SPOCK1: variants seen among roughly 807,000 people sequenced by gnomAD.
The protein encoded by SPOCK1 is testican-1.
In SPOCK1, 23 loss-of-function variants were observed where a neutral mutation model predicts 55.3. The ratio of observed to expected loss-of-function variants is 0.42; its 90% CI spans 0.30 to 0.59. The LOEUF (loss-of-function observed/expected upper bound fraction) is 0.59, where lower values mean the gene tolerates loss of function less well. SPOCK1 is among the 20% of genes least tolerant of loss of function. The pLI is 0.22. For missense variants in SPOCK1, 499 were observed against 552.5 expected, an observed-to-expected ratio of 0.90 and a Z score of 0.97; for synonymous variants, 226 against 221.0, an observed-to-expected ratio of 1.02 and a Z score of -0.20.
At chr5:137,406,811 T>C (rs1004490979) in intron 2 of SPOCK1, among the ~76,000 whole-genome samples, 3 of 152,196 alleles carry the variant, frequency 2.0e-5, no homozygotes, top group African/African-American at 7.2e-5. Context: ...TTCACACCTG[T>C]AAAATGGAAA....
chr5:137,024,325 T>C (rs372224569), intron 6 of SPOCK1, among the ~76,000 whole-genome samples: 1 of 105,026 alleles, frequency 9.5e-6, no homozygotes, highest in African/African-American at 3.5e-5. Flanking sequence ...GGGGGGGGGG[T>C]AGTTACAACT....
chr5:137,144,837 C>A (rs1754163178), intron 3 of SPOCK1, among the ~76,000 whole-genome samples: 1 of 152,164 alleles, frequency 6.6e-6, no homozygotes, highest in South Asian at 2.1e-4. Context: ...AGCGTGACAG[C>A]CCTGAGCAGA....
At chr5:137,322,743 A>C (rs1758002746) in intron 2 of SPOCK1, among the ~76,000 whole-genome samples, 1 of 152,240 alleles carries the variant, frequency 6.6e-6, no homozygotes, top group Non-Finnish European at 1.5e-5. Flanking sequence ...AAAAGGAACA[A>C]AAACACTAAG....
chr5:137,178,481 T>C (rs573023813), intron 3 of SPOCK1, among the ~76,000 whole-genome samples: 2 of 152,300 alleles, frequency 1.3e-5, no homozygotes, highest in East Asian at 1.9e-4. Context: ...GGAAGCATCT[T>C]TATCCACACC....
chr5:137,084,954 CA>C (rs10568473), intron 5 of SPOCK1, among the ~76,000 whole-genome samples: 7,439 of 114,096 alleles, frequency 0.065, 281 homozygotes, highest in East Asian at 0.25. Context: ...TTATACAAAG[CA>C]AAAAAAAAAA....
At position 137,295,208 on chromosome 5, in the gene SPOCK1, C is replaced by T. The variant is rs969608077; in HGVS notation, c.187-28153G>A. 1.3e-4 allele frequency among the ~76,000 whole-genome samples: 20 copies of T among 152,286 alleles called. 2 individuals carry two copies. The highest frequency in any genetic ancestry group is 1.1e-3 in the Admixed American group (17 of 15,300). On this transcript the variant is annotated intron_variant, in intron 2 of 10. Coordinates refer to ENST00000394945, the MANE Select transcript of SPOCK1 (RefSeq NM_004598.4). ...GGCTGCAATACAGCTGTTTTTTGTT[C>T]TTTATGCTTTTCTGTACTTCCCCAA...
chr5:136,980,620 C>T (rs767321112), intron 9 of SPOCK1, among the ~76,000 whole-genome samples: 12 of 152,174 alleles, frequency 7.9e-5, no homozygotes, highest in Non-Finnish European at 1.2e-4. Context: ...TCTTGCCTTC[C>T]GCCATGATTG....
At chr5:137,245,421 A>G (rs967619887) in intron 3 of SPOCK1, among the ~76,000 whole-genome samples, 2 of 152,236 alleles carry the variant, frequency 1.3e-5, no homozygotes, top group African/African-American at 4.8e-5. Context: ...AGAAATAATT[A>G]TACCTCAAAT....
chr5:137,156,263 T>G (rs1362594736), intron 3 of SPOCK1, among the ~76,000 whole-genome samples: 1 of 152,156 alleles, frequency 6.6e-6, no homozygotes, highest in East Asian at 1.9e-4. Context: ...GTCTGCCCTG[T>G]GAAGCTGGCC....
intron 6 of SPOCK1, among the ~76,000 whole-genome samples, chr5:137,041,551 T>C (rs1179986720): frequency 3.9e-5 from 6 of 152,134 alleles, no homozygotes; most frequent in African/African-American, 1.4e-4. Flanking sequence ...AATAAAAATA[T>C]TTGCAAAACA....
intron 3 of SPOCK1, among the ~76,000 whole-genome samples, chr5:137,265,180 G>A (rs1168598844): frequency 6.6e-6 from 1 of 152,164 alleles, no homozygotes; most frequent in Admixed American, 6.5e-5. Flanking sequence ...CCCAAACCAA[G>A]GGAAGCTATC....
chr5:137,388,034 C>T (rs867160015), intron 2 of SPOCK1, among the ~76,000 whole-genome samples: 2 of 152,120 alleles, frequency 1.3e-5, no homozygotes, highest in Non-Finnish European at 2.9e-5. Context: ...TTCCCATTCC[C>T]ATAAAAGCTA....
intron 3 of SPOCK1, among the ~76,000 whole-genome samples, chr5:137,246,954 C>T (rs536174580): frequency 3.9e-5 from 6 of 152,288 alleles, no homozygotes; most frequent in South Asian, 2.1e-4. Context: ...ATCTAATCTC[C>T]GCGGGTGGAG....
chr5:137,177,141 G>T (rs568951712), intron 3 of SPOCK1, among the ~76,000 whole-genome samples: 1 of 152,252 alleles, frequency 6.6e-6, no homozygotes, highest in East Asian at 1.9e-4. Flanking sequence ...TGAATGAATG[G>T]CCTCACAGAG....
intron 6 of SPOCK1, among the ~76,000 whole-genome samples, chr5:137,024,368 T>C (rs910442969): frequency 8.0e-5 from 12 of 150,784 alleles, no homozygotes; most frequent in Non-Finnish European, 1.5e-4. Flanking sequence ...ACAACACTGA[T>C]GTAAAGCTGG....
At chr5:137,445,368 T>C (rs189831009) in intron 2 of SPOCK1, among the ~76,000 whole-genome samples, 125 of 152,284 alleles carry the variant, frequency 8.2e-4, no homozygotes, top group African/African-American at 2.9e-3. Context: ...TACTTTTCCT[T>C]CAACCCTATG....
intron 5 of SPOCK1, among the ~76,000 whole-genome samples, chr5:137,091,367 C>G (rs1342128409): frequency 2.0e-5 from 3 of 152,260 alleles, no homozygotes; most frequent in Non-Finnish European, 4.4e-5. Context: ...GTTATGCTAG[C>G]CAAATAAAAC....
intron 3 of SPOCK1, among the ~76,000 whole-genome samples, chr5:137,250,671 C>G (rs1398383918): frequency 1.3e-5 from 2 of 149,128 alleles, no homozygotes; most frequent in Non-Finnish European, 2.9e-5. Flanking sequence ...AGAGGACACA[C>G]GGATGGCTTC....
At chr5:137,075,141 A>G (rs1265209317) in intron 5 of SPOCK1, among the ~76,000 whole-genome samples, 1 of 152,222 alleles carries the variant, frequency 6.6e-6, no homozygotes, top group Non-Finnish European at 1.5e-5. Flanking sequence ...AACAACTGTC[A>G]AATCTTAATG....
Sources: gnomAD v4.1 joint callset for allele counts (sites outside exome capture counted in the v4.1 genomes callset) on GRCh38, gnomAD v4.1.1 for gene constraint, MANE v1.5 for transcripts, NCBI Gene and HGNC (gene_info 2026-07-23, HGNC 2026-07-21) for gene names.